The following MBD5 variants were observed in gnomAD, a reference collection of about 807,000 sequenced individuals.
MBD5 encodes methyl-CpG binding domain protein 5, also known as methyl-CpG-binding domain protein 5.
A neutral mutation model predicts 117.3 loss-of-function variants in MBD5; 13 were observed. That is an observed-to-expected ratio of 0.11 (90% CI 0.07 to 0.18). The LOEUF is 0.18. MBD5 is among the 10% of genes least tolerant of loss of function. MBD5 has a pLI of 1.00. For synonymous variants in MBD5, 727 were observed against 766.4 expected (o/e 0.95, Z 0.85); for missense variants, 1,879 against 2,093.8 (o/e 0.90, Z 2.00).
At chr2:148,416,807 A>C (rs955386978) in intron 4 of MBD5, among the ~76,000 whole-genome samples, 3 of 151,896 alleles carry the variant, frequency 2.0e-5, no homozygotes, top group African/African-American at 7.3e-5. Flanking sequence ...TGTTCTTTAT[A>C]CCACACTGTA....
intron 3 of MBD5, among the ~76,000 whole-genome samples, chr2:148,233,969 C>T (rs1049172570): frequency 2.0e-5 from 3 of 152,138 alleles, no homozygotes; most frequent in East Asian, 1.9e-4. Context: ...AATTCCATGA[C>T]AGCTCCTATT....
intron 4 of MBD5, among the ~76,000 whole-genome samples, chr2:148,427,245 G>A (rs1574412863): frequency 1.3e-5 from 2 of 152,118 alleles, no homozygotes; most frequent in African/African-American, 2.4e-5. Context: ...TTGGCGTGGC[G>A]ATTCCTCAGG....
intron 1 of MBD5, among the ~76,000 whole-genome samples, chr2:148,099,204 G>A (rs1395359255): frequency 6.6e-6 from 1 of 152,134 alleles, no homozygotes; most frequent in African/African-American, 2.4e-5. Flanking sequence ...CTGCTAATGA[G>A]TAATGAACTT....
intron 1 of MBD5, among the ~76,000 whole-genome samples, chr2:148,151,977 T>A (rs1422791445): frequency 1.3e-5 from 2 of 151,964 alleles, no homozygotes; most frequent in Non-Finnish European, 2.9e-5. Flanking sequence ...TCTTGCCTTC[T>A]GCTAGCTTTT....
rs534077571 is a variant in MBD5, at chr2:148,477,938, T to C, written c.2519-5172T>C. ...TGTTCAAAATTAGAGCTAAACAAAA[T>C]GGTATAAGGAGGTTTTAAAAATACT... On this transcript the variant is annotated intron_variant, in intron 8 of 13. Transcript: ENST00000642680. Among the ~76,000 whole-genome samples the C allele has an allele frequency of 9.9e-5, 15 of 152,254 alleles. No homozygotes were observed. In the South Asian group the frequency reaches 2.9e-3, roughly 30 times the overall value.
intron 1 of MBD5, chr2:148,062,633 C>T (rs1695070614): frequency 6.6e-6 from 1 of 151,974 alleles, no homozygotes. Flanking sequence ...CTTGTTTGAA[C>T]TTTGGTTTAG....
intron 1 of MBD5, among the ~76,000 whole-genome samples, chr2:148,064,493 GA>G (rs1695131009): frequency 6.6e-6 from 1 of 152,138 alleles, no homozygotes; most frequent in African/African-American, 2.4e-5. Context: ...AGATTATCTA[GA>G]AACTGGTAGT....
At chr2:148,100,848 CA>C (rs772920281) in intron 1 of MBD5, among the ~76,000 whole-genome samples, 5 of 152,166 alleles carry the variant, frequency 3.3e-5, no homozygotes, top group Admixed American at 6.5e-5. Flanking sequence ...TGGGAGCATA[CA>C]ACTTACTTCC....
chr2:148,513,880 G>A lies in MBD5; in HGVS notation c.*939G>A, dbSNP rs1427737007. The A allele has an allele frequency of 6.6e-6, 1 of 152,086 alleles. No individual in the cohort carries two copies. Among genetic ancestry groups the A allele is most frequent in the Non-Finnish European group, 1.5e-5 (1 of 68,002 alleles). The allele number at this position is 152,086 out of a possible 1,614,324, so 9.4% of individuals were successfully genotyped here. A position where few individuals can be genotyped will look rare whatever the true frequency, so the allele number is the denominator to read the frequency against. On this transcript the variant is annotated 3_prime_UTR_variant, in exon 14 of 14. Coordinates refer to ENST00000642680, the MANE Select transcript of MBD5 (RefSeq NM_001378120.1). ...GGTGCTCAGAATTGAGGGTTTTTTT[G>A]CAAATGATATCTGACAAGGTAAAAC...
intron 3 of MBD5, among the ~76,000 whole-genome samples, chr2:148,332,940 A>G (rs1039710008): frequency 5.3e-5 from 8 of 151,752 alleles, no homozygotes; most frequent in African/African-American, 1.9e-4. Flanking sequence ...TCTAATATTC[A>G]TGTCCTTTGT....
chr2:148,261,127 G>A (rs932170257), intron 3 of MBD5, among the ~76,000 whole-genome samples: 1 of 152,178 alleles, frequency 6.6e-6, no homozygotes, highest in Admixed American at 6.5e-5. Flanking sequence ...AGGCAGAGTA[G>A]ATTTAGCATA....
chr2:148,249,254 C>A (rs1700411317), intron 3 of MBD5, among the ~76,000 whole-genome samples: 1 of 151,990 alleles, frequency 6.6e-6, no homozygotes, highest in Non-Finnish European at 1.5e-5. Context: ...ATAAAAAAGA[C>A]AAAATTGGAA....
chr2:148,070,231 C>T (rs1695313987), intron 1 of MBD5, among the ~76,000 whole-genome samples: 1 of 152,186 alleles, frequency 6.6e-6, no homozygotes, highest in Admixed American at 6.5e-5. Flanking sequence ...GCTTACTTCA[C>T]TTAACATAAT....
rs572541239 is a variant in MBD5 at position 148,097,701 on chromosome 2, G to A, written c.-925+76017G>A. On this transcript the variant is annotated intron_variant, in intron 1 of 13. Transcript: ENST00000642680. ...AGCCAGCCTGGGCAATGTAGACGAG[G>A]TACATTTGACTATTTGGTAAATACC... 6.4e-4 allele frequency among the ~76,000 whole-genome samples: 97 copies of A among 152,246 alleles called. 1 individual carries two copies. Among genetic ancestry groups the A allele is most frequent in the Admixed American group, 5.1e-3 (78 of 15,284 alleles).
chr2:148,228,946 G>A (rs1364154699), intron 2 of MBD5, among the ~76,000 whole-genome samples: 7 of 152,108 alleles, frequency 4.6e-5, no homozygotes, highest in South Asian at 2.1e-4. Context: ...CTGTGGGATC[G>A]CTGGTGATAT....
intron 1 of MBD5, among the ~76,000 whole-genome samples, chr2:148,109,982 ATTCTAT>A (rs1217286724): frequency 1.3e-5 from 2 of 152,172 alleles, no homozygotes; most frequent in Admixed American, 6.5e-5. Flanking sequence ...ACCACATCAT[ATTCTAT>A]TTCTTAAAGT....
chr2:148,483,721 A>G lies in MBD5; in HGVS notation c.3130A>G (p.Ser1044Gly). ...TTTGCCAAGCAATCAGTCAGACAAC[A>G]GCCGAGCTGAGACCCTTTTAACCAG... Reference protein sequence around the residue: ...DHLPSNQSDNSRAETLLTSPL... With the variant: ...DHLPSNQSDNGRAETLLTSPL... Residue 1044 changes from serine (S) to glycine (G), a missense_variant, in exon 9 of 14, where the codon AGC becomes GGC. Transcript: ENST00000642680. The G allele has an allele frequency of 6.4e-7, 1 of 1,550,582 alleles. No homozygotes were observed. Among genetic ancestry groups the G allele is most frequent in the Non-Finnish European group, 8.7e-7 (1 of 1,146,964 alleles).
intron 1 of MBD5, among the ~76,000 whole-genome samples, chr2:148,089,606 A>G (rs942071121): frequency 1.3e-5 from 2 of 152,152 alleles, no homozygotes; most frequent in East Asian, 3.8e-4. Flanking sequence ...TGGGTCAACA[A>G]TGAAAACAAG....
intron 1 of MBD5, among the ~76,000 whole-genome samples, chr2:148,051,679 T>C (rs917519615): frequency 1.3e-4 from 20 of 151,726 alleles, no homozygotes; most frequent in African/African-American, 4.6e-4. Context: ...TTTTGTCATA[T>C]GCTTTTTCTG....
Sources: gnomAD v4.1 joint callset for allele counts (sites outside exome capture counted in the v4.1 genomes callset) on GRCh38, gnomAD v4.1.1 for gene constraint, MANE v1.5 for transcripts, NCBI Gene and HGNC (gene_info 2026-07-23, HGNC 2026-07-21) for gene names.